Variants in ELMOD2 observed in about 807,000 individuals in gnomAD.
ELMOD2 encodes ELMO domain-containing protein 2.
Under a neutral mutation model 41.0 loss-of-function variants are expected in ELMOD2, and 28 were observed. The ratio of observed to expected loss-of-function variants is 0.68; its 90% CI spans 0.51 to 0.94. The LOEUF (loss-of-function observed/expected upper bound fraction) is 0.94, where lower values mean the gene tolerates loss of function less well. Among genes scored for constraint, ELMOD2 ranks in the 40% least tolerant of loss-of-function variants. ELMOD2 has a pLI of 0.00. For synonymous variants in ELMOD2, 106 were observed against 107.2 expected, an observed-to-expected ratio of 0.99 and a Z score of 0.07; for missense variants, 333 against 343.1, an observed-to-expected ratio of 0.97 and a Z score of 0.23.
chr4:140,525,924 T>A (rs1315455659), intron 2 of ELMOD2, among the ~76,000 whole-genome samples: 1 of 152,200 alleles, frequency 6.6e-6, no homozygotes, highest in Non-Finnish European at 1.5e-5. Flanking sequence ...TCTACATCCA[T>A]TTTTATACTT....
intron 8 of ELMOD2, 41 bp from the exon 9 acceptor site, chr4:140,550,189 C>T: frequency 6.5e-7 from 1 of 1,536,834 alleles, no homozygotes; most frequent in Non-Finnish European, 8.9e-7. Flanking sequence ...AATGTGATTT[C>T]AACATTGAGG....
chr4:140,527,400 T>C lies in ELMOD2; in HGVS notation c.143-66T>C, dbSNP rs1370538105. The stretch of plus-strand genomic sequence containing the variant: ...TGGTTTGATATTTTTACTAGTTGTT[T>C]ATTATAGGGTAATTGACAAACAGCA... On this transcript the variant is annotated intron_variant, in intron 2 of 8. Transcript: ENST00000323570. 3.2e-6 allele frequency: 4 copies of C among 1,251,776 alleles called. No individual in the cohort carries two copies. In the East Asian group the frequency reaches 7.0e-5, roughly 22 times the overall value. 77.5% of individuals were successfully genotyped at this position (1,251,776 alleles called of 1,614,324 possible). A position where few individuals can be genotyped will look rare whatever the true frequency, so the allele number is the denominator to read the frequency against.
At chr4:140,549,121 G>T (rs561163470) in intron 8 of ELMOD2, among the ~76,000 whole-genome samples, 3 of 151,980 alleles carry the variant, frequency 2.0e-5, no homozygotes, top group Non-Finnish European at 4.4e-5. Context: ...TTATTTTCTA[G>T]AATTGTATTT....
intron 8 of ELMOD2, among the ~76,000 whole-genome samples, chr4:140,548,343 A>C (rs1456195682): frequency 6.6e-6 from 1 of 152,132 alleles, no homozygotes; most frequent in East Asian, 1.9e-4. Flanking sequence ...TGTATGGGGG[A>C]TAGAGATAGC....
At chr4:140,540,394 C>A in intron 6 of ELMOD2, 93 bp downstream of exon 6, 5 of 1,455,822 alleles carry the variant, frequency 3.4e-6, no homozygotes, top group Non-Finnish European at 4.7e-6. Context: ...CTAGTTGATT[C>A]ATACTATCTC....
chr4:140,550,045 A>G (rs576043940), intron 8 of ELMOD2, among the ~76,000 whole-genome samples, 185 bp from the exon 9 acceptor site: 1 of 152,254 alleles, frequency 6.6e-6, no homozygotes, highest in East Asian at 1.9e-4. Flanking sequence ...CAAATAGTAA[A>G]TATACACTAA....
intron 8 of ELMOD2, among the ~76,000 whole-genome samples, chr4:140,547,727 TAC>T (rs1338947602): frequency 6.6e-6 from 1 of 151,714 alleles, no homozygotes; most frequent in Admixed American, 6.6e-5. Flanking sequence ...GATACAGGTT[TAC>T]AGTTAATCCC....
At chr4:140,536,737 A>G (rs1481763967) in intron 4 of ELMOD2, among the ~76,000 whole-genome samples, 1 of 152,126 alleles carries the variant, frequency 6.6e-6, no homozygotes, top group Admixed American at 6.5e-5. Flanking sequence ...GAAGATGGAG[A>G]GTAGATTTGA....
chr4:140,544,729 CTT>C (rs1735217355), intron 8 of ELMOD2, among the ~76,000 whole-genome samples: 1 of 152,160 alleles, frequency 6.6e-6, no homozygotes, highest in Non-Finnish European at 1.5e-5. Flanking sequence ...TATGCTCTCT[CTT>C]GACTCTGTGC....
At chr4:140,524,533 C>T (rs1314428679) in intron 1 of ELMOD2, 45 of 937,360 alleles carry the variant, frequency 4.8e-5, no homozygotes, top group South Asian at 9.8e-5. Flanking sequence ...CGCTTTTGTC[C>T]TAATGAGCGC....
At chr4:140,542,014 A>G (rs757039657) in intron 6 of ELMOD2, among the ~76,000 whole-genome samples, 6 of 152,036 alleles carry the variant, frequency 3.9e-5, no homozygotes, top group African/African-American at 1.2e-4. Flanking sequence ...GGCCAAAAGG[A>G]TGTATGTGCC....
In ELMOD2 at chr4:140,550,296, A is replaced by G. The variant is rs1365037126; in HGVS notation, c.803A>G (p.Asn268Ser). The G allele has an allele frequency of 8.7e-6, 14 of 1,611,736 alleles. No homozygotes were observed. Among genetic ancestry groups the G allele is most frequent in the East Asian group, 2.2e-5 (1 of 44,682 alleles). ...GAACCAGAAAGCATTATGTATTTCA[A>G]TTTGTATAGAGAGAAGTTTCATGAA... ...EEEPESIMYFNLYREKFHEKI... is the reference protein window; with the variant it reads ...EEEPESIMYFSLYREKFHEKI... Residue 268 changes from asparagine (N) to serine (S), a missense_variant, in exon 9 of 9, where the codon AAT becomes AGT. Physicochemically the swap from Asn to Ser is conservative, Grantham distance 46. Coordinates refer to ENST00000323570, the MANE Select transcript of ELMOD2 (RefSeq NM_153702.4).
chr4:140,530,822 A>C lies in ELMOD2; in HGVS notation c.171+3328A>C, dbSNP rs139305574. On this transcript the variant is annotated intron_variant, in intron 3 of 8. Transcript: ENST00000323570. ...TCCATTTACTTTGTAGGGTAAATCT[A>C]TTTCTCATTTTGTGATATTTTGGTT... Among the ~76,000 whole-genome samples the C allele has an allele frequency of 2.3e-3, 353 of 152,186 alleles. 3 individuals carry two copies. Among genetic ancestry groups the C allele is most frequent in the African/African-American group, 7.5e-3 (313 of 41,550 alleles).
At chr4:140,535,173 C>T (rs948359036) in intron 3 of ELMOD2, among the ~76,000 whole-genome samples, 1 of 120,030 alleles carries the variant, frequency 8.3e-6, no homozygotes. Flanking sequence ...CTCTCTCTCT[C>T]TCTCGCCTTG....
chr4:140,538,947 G>A (rs886987025), intron 5 of ELMOD2, among the ~76,000 whole-genome samples: 8 of 152,104 alleles, frequency 5.3e-5, no homozygotes, highest in African/African-American at 1.9e-4. Context: ...CCACATCACT[G>A]AGGCCTTATC....
intron 2 of ELMOD2, among the ~76,000 whole-genome samples, chr4:140,526,393 C>CT (rs1405823667): frequency 6.6e-6 from 1 of 152,142 alleles, no homozygotes; most frequent in South Asian, 2.1e-4. Flanking sequence ...AAATTTTACT[C>CT]TAAAATTTGA....
intron 3 of ELMOD2, among the ~76,000 whole-genome samples, chr4:140,533,462 A>G (rs1194653815): frequency 1.3e-5 from 2 of 152,164 alleles, no homozygotes; most frequent in Non-Finnish European, 2.9e-5. Context: ...TATGGGGGAA[A>G]AAAGAAACCT....
At chr4:140,529,648 A>G (rs1431604190) in intron 3 of ELMOD2, among the ~76,000 whole-genome samples, 1 of 152,128 alleles carries the variant, frequency 6.6e-6, no homozygotes, top group Non-Finnish European at 1.5e-5. Context: ...TATTTTCCAA[A>G]CACATCAGCA....
chr4:140,531,862 G>T (rs1734758893), intron 3 of ELMOD2, among the ~76,000 whole-genome samples: 4 of 152,172 alleles, frequency 2.6e-5, no homozygotes, highest in East Asian at 1.9e-4. Flanking sequence ...ACTTACAAAA[G>T]AAATAGAAAC....
Sources: allele counts gnomAD v4.1 joint callset (sites outside exome capture counted in the v4.1 genomes callset), GRCh38; gene constraint gnomAD v4.1.1; transcripts MANE v1.5; gene names NCBI Gene and HGNC (gene_info 2026-07-23, HGNC 2026-07-21).